The following BTBD9 variants were observed in gnomAD, a reference collection of about 807,000 sequenced individuals.
BTBD9 encodes BTB/POZ domain-containing protein 9.
BTBD9 carries 49 observed loss-of-function variants against 64.3 expected under a neutral mutation model. The ratio of observed to expected loss-of-function variants is 0.76; its 90% CI spans 0.61 to 0.97. BTBD9 has a LOEUF of 0.97. BTBD9 is among the 50% of genes least tolerant of loss of function. The pLI, the probability that BTBD9 is intolerant of heterozygous loss-of-function variation, is 0.00. For missense variants in BTBD9, 598 were observed against 762.1 expected (o/e 0.78, Z 2.53); for synonymous variants, 260 against 274.7 (o/e 0.95, Z 0.53).
rs1395718678 is a variant in BTBD9, at chr6:38,174,688, G to C, written c.*297C>G. 4.8e-6 allele frequency: 2 copies of C among 416,398 alleles called. No homozygotes were observed. The highest frequency in any genetic ancestry group is 4.0e-5 in the African/African-American group (2 of 50,632). The allele number at this position is 416,398 out of a possible 1,614,324, so 25.8% of individuals were successfully genotyped here. On this transcript the variant is annotated 3_prime_UTR_variant, in exon 11 of 11. Transcript: ENST00000481247. ...ACAGGCCTGTCTATGACTTCCTCCT[G>C]TTCCCTGCGCCTGGGCTAGATTAGA...
At chr6:38,181,741 A>T (rs1761563339) in intron 10 of BTBD9, among the ~76,000 whole-genome samples, 1 of 152,152 alleles carries the variant, frequency 6.6e-6, no homozygotes, top group Non-Finnish European at 1.5e-5. Flanking sequence ...TAATCACAGC[A>T]CTTTGGGAGG....
intron 6 of BTBD9, among the ~76,000 whole-genome samples, chr6:38,544,908 CAA>C (rs1328588391): frequency 8.0e-5 from 2 of 24,904 alleles, no homozygotes; most frequent in African/African-American, 2.7e-4. Flanking sequence ...GCCTGGGAAA[CAA>C]GAACAAAACT....
At chr6:38,228,349 C>CT (rs1401295684) in intron 9 of BTBD9, among the ~76,000 whole-genome samples, 4 of 68,354 alleles carry the variant, frequency 5.9e-5, no homozygotes, top group South Asian at 5.6e-4. Context: ...TGTCCCCCCC[C>CT]CCAAAAAAAA....
At chr6:38,214,459 T>C (rs1762940783) in intron 9 of BTBD9, among the ~76,000 whole-genome samples, 6 of 152,206 alleles carry the variant, frequency 3.9e-5, no homozygotes, top group Admixed American at 3.9e-4. Flanking sequence ...AGTTAAATAA[T>C]TTAAATCATT....
chr6:38,423,071 C>CG (rs1408770075), intron 6 of BTBD9, among the ~76,000 whole-genome samples: 2 of 152,104 alleles, frequency 1.3e-5, no homozygotes, highest in Non-Finnish European at 2.9e-5. Flanking sequence ...TCGAGATCAG[C>CG]ATGGCCAACA....
At chr6:38,181,487 A>C (rs1761552064) in intron 10 of BTBD9, among the ~76,000 whole-genome samples, 2 of 152,224 alleles carry the variant, frequency 1.3e-5, no homozygotes, top group South Asian at 4.1e-4. Context: ...ACACCCACCC[A>C]GCGTTCAGTG....
At chr6:38,454,185 T>C (rs538365585) in intron 6 of BTBD9, among the ~76,000 whole-genome samples, 11 of 152,312 alleles carry the variant, frequency 7.2e-5, no homozygotes, top group Admixed American at 3.9e-4. Flanking sequence ...AAACACTGTC[T>C]GATAAATGTT....
chr6:38,361,298 C>T (rs1202210930), intron 6 of BTBD9, among the ~76,000 whole-genome samples: 2 of 152,152 alleles, frequency 1.3e-5, no homozygotes, highest in Admixed American at 6.5e-5. Flanking sequence ...AATCCCAGCA[C>T]TTTGGGAGGC....
At chr6:38,298,147 A>G (rs1441650490) in intron 7 of BTBD9, among the ~76,000 whole-genome samples, 6 of 151,902 alleles carry the variant, frequency 3.9e-5, no homozygotes, top group African/African-American at 1.5e-4. Flanking sequence ...GAGCCACCAC[A>G]CCTGGCCTCT....
intron 9 of BTBD9, among the ~76,000 whole-genome samples, chr6:38,199,991 C>T (rs1041492155): frequency 6.6e-6 from 1 of 152,232 alleles, no homozygotes; most frequent in South Asian, 2.1e-4. Context: ...CCTGCCTCTA[C>T]AGACTGCACA....
rs1774070182 is a variant in BTBD9 at position 38,537,409 on chromosome 6, T to TG, written c.1154+40190dup. On this transcript the variant is annotated intron_variant, in intron 6 of 10. Transcript: ENST00000481247. Reference sequence around the variant, plus strand: ...CACAAATGGCCAGCAGGCCTTCTGATGGACGTATTTTTGTGGATATGTAAA... The same window carrying TG: ...CACAAATGGCCAGCAGGCCTTCTGATGGGACGTATTTTTGTGGATATGTAAA... 3.3e-5 allele frequency among the ~76,000 whole-genome samples: 5 copies of TG among 152,352 alleles called. No homozygotes were observed. The South Asian group carries it at 1.0e-3, about 32-fold the overall frequency.
Position 38,532,668 on chromosome 6 carries a change from A to C in BTBD9, c.1154+44932T>G, listed in dbSNP as rs1379766055. Among the ~76,000 whole-genome samples, 3 of 152,152 alleles carry C rather than the reference A, an allele frequency of 2.0e-5. No homozygotes were observed. In the East Asian group the frequency reaches 5.8e-4, roughly 30 times the overall value. On this transcript the variant is annotated intron_variant, in intron 6 of 10. Coordinates refer to ENST00000481247, the MANE Select transcript of BTBD9 (RefSeq NM_001099272.2). ...GACTTAGCTCTCAGATGACATGTCT[A>C]GATGTACCCTGGCCAGGAAGGCAAC...
At chr6:38,614,935 C>A (rs1311185017) in intron 1 of BTBD9, among the ~76,000 whole-genome samples, 1 of 152,218 alleles carries the variant, frequency 6.6e-6, no homozygotes, top group Non-Finnish European at 1.5e-5. Context: ...GAACTCCTGT[C>A]CCTATTTAAA....
intron 9 of BTBD9, among the ~76,000 whole-genome samples, chr6:38,223,824 C>T (rs1156697806): frequency 6.6e-6 from 1 of 151,378 alleles, no homozygotes; most frequent in African/African-American, 2.4e-5. Flanking sequence ...AACATCTTCC[C>T]TAAACTTTTC....
At chr6:38,511,084 A>T (rs1327128322) in intron 6 of BTBD9, among the ~76,000 whole-genome samples, 1 of 152,198 alleles carries the variant, frequency 6.6e-6, no homozygotes, top group Non-Finnish European at 1.5e-5. Context: ...TGGCTATGAC[A>T]TCACTAGGAG....
intron 4 of BTBD9, among the ~76,000 whole-genome samples, chr6:38,591,022 G>A (rs986895687): frequency 1.3e-5 from 2 of 152,028 alleles, no homozygotes; most frequent in Non-Finnish European, 2.9e-5. Context: ...TCTCCTCACT[G>A]GTCTCTCTGA....
At chr6:38,188,907 C>T (rs1452534135) in intron 10 of BTBD9, among the ~76,000 whole-genome samples, 2 of 152,212 alleles carry the variant, frequency 1.3e-5, no homozygotes, top group Non-Finnish European at 2.9e-5. Flanking sequence ...CAGAAGACGG[C>T]CCTCACCAAG....
At chr6:38,360,665 G>A (rs1341734797) in intron 6 of BTBD9, among the ~76,000 whole-genome samples, 1 of 152,134 alleles carries the variant, frequency 6.6e-6, no homozygotes, top group Admixed American at 6.5e-5. Flanking sequence ...GGAAAATGCA[G>A]GCAGAAGAGT....
At chr6:38,544,568 T>C (rs1774441807) in intron 6 of BTBD9, among the ~76,000 whole-genome samples, 1 of 152,038 alleles carries the variant, frequency 6.6e-6, no homozygotes, top group Non-Finnish European at 1.5e-5. Flanking sequence ...ACAGCAAGTG[T>C]ACAGGATCTG....
Sources: gnomAD v4.1 joint callset for allele counts (sites outside exome capture counted in the v4.1 genomes callset) on GRCh38, gnomAD v4.1.1 for gene constraint, MANE v1.5 for transcripts, NCBI Gene and HGNC (gene_info 2026-07-23, HGNC 2026-07-21) for gene names.